Variants in RYR2 observed in about 807,000 individuals in gnomAD.
RYR2 encodes the protein cardiac muscle ryanodine receptor-calcium release channel.
Under a neutral mutation model 601.1 loss-of-function variants are expected in RYR2, and 227 were observed. That is an observed-to-expected ratio of 0.38 (90% CI 0.34 to 0.42). RYR2 has a LOEUF of 0.42. Ranked by LOEUF, RYR2 falls within the 10% of genes least tolerant of loss-of-function variation. The pLI is 1.00. For synonymous variants in RYR2, 2,223 were observed against 2,175.1 expected (o/e 1.02, Z -0.61); for missense variants, 4,646 against 6,156.5 (o/e 0.75, Z 8.21).
chr1:237,511,833 TGAAAA>T, intron 24 of RYR2, 42 bp downstream of exon 24: 10 of 274,684 alleles, frequency 3.6e-5, no homozygotes, highest in Admixed American at 1.1e-4. Flanking sequence ...CTGCCTTCCC[TGAAAA>T]AAAAAAAAAA....
intron 1 of RYR2, among the ~76,000 whole-genome samples, chr1:237,134,427 A>G (rs912420780): frequency 1.3e-5 from 2 of 152,104 alleles, no homozygotes; most frequent in African/African-American, 2.4e-5. Context: ...AGAGCAAGGG[A>G]TGTCTTATAT....
intron 1 of RYR2, among the ~76,000 whole-genome samples, chr1:237,053,112 G>A (rs577076942): frequency 6.6e-6 from 1 of 152,154 alleles, no homozygotes; most frequent in African/African-American, 2.4e-5. Flanking sequence ...CTCCCAAAGT[G>A]CTGGGATTAC....
chr1:237,370,356 A>AT (rs1181233647), intron 6 of RYR2, among the ~76,000 whole-genome samples: 1 of 152,028 alleles, frequency 6.6e-6, no homozygotes, highest in Non-Finnish European at 1.5e-5. Context: ...GTCAACACAT[A>AT]TTTTTTGTAT....
intron 2 of RYR2, among the ~76,000 whole-genome samples, chr1:237,325,838 T>G (rs542571076): frequency 6.6e-6 from 1 of 152,254 alleles, no homozygotes; most frequent in East Asian, 1.9e-4. Context: ...AAGGAGATGT[T>G]TTTATGTGTG....
intron 2 of RYR2, among the ~76,000 whole-genome samples, chr1:237,308,331 C>T (rs747681449): frequency 2.0e-5 from 3 of 152,180 alleles, no homozygotes; most frequent in Non-Finnish European, 4.4e-5. Flanking sequence ...CACGTTCCTC[C>T]TCTTACTTTC....
intron 1 of RYR2, among the ~76,000 whole-genome samples, chr1:237,166,707 G>A (rs1009694000): frequency 5.3e-5 from 8 of 152,194 alleles, no homozygotes; most frequent in African/African-American, 1.9e-4. Flanking sequence ...TGGCAATTGG[G>A]TACAATAAAG....
intron 67 of RYR2, among the ~76,000 whole-genome samples, chr1:237,705,750 G>C (rs976071807): frequency 1.3e-5 from 2 of 152,148 alleles, no homozygotes; most frequent in African/African-American, 4.8e-5. Context: ...AGATAGGCTG[G>C]AGAGAAAAAG....
chr1:237,226,359 C>T (rs1185271705), intron 1 of RYR2, among the ~76,000 whole-genome samples: 1 of 152,168 alleles, frequency 6.6e-6, no homozygotes, highest in Admixed American at 6.5e-5. Context: ...TTTTCTCCCC[C>T]TTAACTTGTC....
chr1:237,654,028 C>T (rs778881806), intron 51 of RYR2, among the ~76,000 whole-genome samples: 6 of 152,056 alleles, frequency 3.9e-5, no homozygotes, highest in Admixed American at 6.5e-5. Context: ...CTTTGGCAAC[C>T]CCCTCACAGA....
At chr1:237,437,379 T>A (rs1357543593) in intron 12 of RYR2, among the ~76,000 whole-genome samples, 3 of 152,156 alleles carry the variant, frequency 2.0e-5, no homozygotes, top group African/African-American at 4.8e-5. Context: ...AATATTCATT[T>A]GAAAATTAGA....
At chr1:237,367,332 TC>T (rs1273864204) in intron 5 of RYR2, among the ~76,000 whole-genome samples, 2 of 152,154 alleles carry the variant, frequency 1.3e-5, no homozygotes, top group Non-Finnish European at 1.5e-5. Context: ...CCTCACACGA[TC>T]CACCTGTCTT....
At chr1:237,338,343 G>A (rs1023807002) in intron 3 of RYR2, among the ~76,000 whole-genome samples, 4 of 152,058 alleles carry the variant, frequency 2.6e-5, no homozygotes, top group East Asian at 1.9e-4. Flanking sequence ...TGTATTTAAC[G>A]GGCTTCATTC....
chr1:237,781,956 G>A (rs1331383604), intron 89 of RYR2, among the ~76,000 whole-genome samples: 1 of 152,100 alleles, frequency 6.6e-6, no homozygotes, highest in African/African-American at 2.4e-5. Flanking sequence ...TAGTGTGTTT[G>A]TCCATAATCA....
intron 10 of RYR2, among the ~76,000 whole-genome samples, chr1:237,404,445 G>A (rs965217316): frequency 1.3e-5 from 2 of 152,100 alleles, no homozygotes; most frequent in Non-Finnish European, 2.9e-5. Context: ...GTAAAAGAAT[G>A]TAAAATTAAA....
chr1:237,352,818 T>C (rs1181078632), intron 3 of RYR2: 2 of 507,610 alleles, frequency 3.9e-6, no homozygotes, highest in Admixed American at 2.0e-5. Flanking sequence ...GCAGTGCTAA[T>C]GGGGAAAAGA....
At chr1:237,511,274 A>G (rs2150546609) in intron 23 of RYR2, among the ~76,000 whole-genome samples, 1 of 149,808 alleles carries the variant, frequency 6.7e-6, no homozygotes, top group South Asian at 2.1e-4. Flanking sequence ...AATAAATCCA[A>G]TCTGTTAGAA....
intron 29 of RYR2, among the ~76,000 whole-genome samples, chr1:237,584,649 G>GTTTTTTGTTTTTTTT (rs763528934): frequency 1.1e-3 from 83 of 72,434 alleles, no homozygotes; most frequent in South Asian, 2.2e-3. Flanking sequence ...CTCACCACCT[G>GTTTTTTGTTTTTTTT]TTTTTTTTTT....
In RYR2 at chr1:237,180,568, A is replaced by ATG. The variant is rs970106733; in HGVS notation, c.49-89917_49-89916dup. On this transcript the variant is annotated intron_variant, in intron 1 of 104. Transcript: ENST00000366574. This position sits in a 1 kb window ranked among gnomAD's most constrained non-coding sequence, Gnocchi z 5.3. ...GATTGAAAAAAACCCAAATATATAT[A>ATG]TGTGTGTGTGTGTATATATGTATAT... 5.3e-5 allele frequency among the ~76,000 whole-genome samples: 8 copies of ATG among 149,662 alleles called. No homozygotes were observed. The South Asian group carries it at 1.7e-3, about 31-fold the overall frequency.
chr1:237,275,115 C>T (rs1012186257), intron 2 of RYR2, among the ~76,000 whole-genome samples: 3 of 151,540 alleles, frequency 2.0e-5, no homozygotes, highest in African/African-American at 4.9e-5. Flanking sequence ...CACACACATA[C>T]ACACCGCACA....
Sources: allele counts gnomAD v4.1 joint callset (sites outside exome capture counted in the v4.1 genomes callset), GRCh38; gene constraint gnomAD v4.1.1; non-coding constraint Gnocchi (gnomAD v3.1); transcripts MANE v1.5; gene names NCBI Gene and HGNC (gene_info 2026-07-23, HGNC 2026-07-21).